TFEC: variants seen among roughly 807,000 people sequenced by gnomAD.
The protein encoded by TFEC is class E basic helix-loop-helix protein 34.
Under a neutral mutation model 41.6 loss-of-function variants are expected in TFEC, and 31 were observed. That is an observed-to-expected ratio of 0.74 (90% CI 0.56 to 1.01). The LOEUF (loss-of-function observed/expected upper bound fraction) is 1.01. Ranked by LOEUF, TFEC falls within the 50% of genes least tolerant of loss-of-function variation. The pLI, the probability that TFEC is intolerant of heterozygous loss-of-function variation, is 0.00. For missense variants in TFEC, 402 were observed against 404.1 expected, an observed-to-expected ratio of 0.99 and a Z score of 0.04; for synonymous variants, 143 against 140.6, an observed-to-expected ratio of 1.02 and a Z score of -0.12.
chr7:115,948,669 C>G (rs1791750269), intron 6 of TFEC, among the ~76,000 whole-genome samples: 1 of 151,346 alleles, frequency 6.6e-6, no homozygotes, highest in African/African-American at 2.4e-5. Context: ...TAAAAACTCT[C>G]AATAAATTAG....
intron 1 of TFEC, among the ~76,000 whole-genome samples, chr7:116,113,296 T>C (rs188470590): frequency 6.6e-6 from 1 of 152,082 alleles, no homozygotes; most frequent in Non-Finnish European, 1.5e-5. Context: ...CTTAATTCAA[T>C]ATAACTGGTG....
At chr7:115,974,406 T>TATATATATATATATA (rs1793277519) in intron 2 of TFEC, 150 bp from the exon 3 acceptor site, 6 of 65,004 alleles carry the variant, frequency 9.2e-5, no homozygotes, top group South Asian at 7.5e-4. Flanking sequence ...AACCTCAATA[T>TATATATATATATATA]TATATATATA....
chr7:116,047,733 A>C (rs1796203798), intron 3 of TFEC, among the ~76,000 whole-genome samples: 1 of 152,182 alleles, frequency 6.6e-6, no homozygotes, highest in Non-Finnish European at 1.5e-5. Flanking sequence ...CAAGTAGCTT[A>C]ACTGGGAGGC....
chr7:116,087,652 C>A (rs528026791), intron 3 of TFEC, among the ~76,000 whole-genome samples: 15 of 151,930 alleles, frequency 9.9e-5, no homozygotes, highest in Non-Finnish European at 2.1e-4. Flanking sequence ...ATCACCTTTG[C>A]CAGGCTAGCA....
In TFEC at chr7:115,939,215, C is replaced by A. The variant is rs190070601; in HGVS notation, c.*1336G>T. 6.6e-6 allele frequency: 1 copy of A among 152,098 alleles called. No individual in the cohort carries two copies. The highest frequency in any genetic ancestry group is 6.6e-5 in the Admixed American group (1 of 15,252). The allele number at this position is 152,098 out of a possible 1,614,324, so 9.4% of individuals were successfully genotyped here. On this transcript the variant is annotated 3_prime_UTR_variant, in exon 8 of 8. Coordinates refer to ENST00000265440, the MANE Select transcript of TFEC (RefSeq NM_012252.4). ...GACCATATCTTTTTCAACTCTTCTACATTTTCTCAGGACTCACTGCAGTTC... is the reference window on the plus strand; with the variant it reads ...GACCATATCTTTTTCAACTCTTCTAAATTTTCTCAGGACTCACTGCAGTTC...
chr7:116,063,732 T>A (rs1264217548), intron 3 of TFEC, among the ~76,000 whole-genome samples: 1 of 152,222 alleles, frequency 6.6e-6, no homozygotes, highest in Non-Finnish European at 1.5e-5. Flanking sequence ...ATTCTTTACA[T>A]AATGTCCTCT....
chr7:115,944,013 A>ATTTTTTTTTTTTGTTTTTTTTTTTTTT (rs1793650849), intron 6 of TFEC, among the ~76,000 whole-genome samples: 1 of 22,830 alleles, frequency 4.4e-5, no homozygotes, highest in Admixed American at 5.6e-4. Flanking sequence ...ACAGGTCTGA[A>ATTTTTTTTTTTTGTTTTTTTTTTTTTT]TTTTTTTTTT....
At chr7:115,999,350 G>A (rs1794497277) in intron 1 of TFEC, among the ~76,000 whole-genome samples, 1 of 151,908 alleles carries the variant, frequency 6.6e-6, no homozygotes, top group Admixed American at 6.6e-5. Context: ...GCAGTACTAA[G>A]AGGAAAGTTT....
chr7:115,992,433 A>C (rs1172498328), intron 1 of TFEC, among the ~76,000 whole-genome samples: 1 of 152,178 alleles, frequency 6.6e-6, no homozygotes, highest in East Asian at 1.9e-4. Context: ...TGTTTCGAAA[A>C]GATCAACAAA....
chr7:116,069,164 T>C (rs1363207594), intron 3 of TFEC, among the ~76,000 whole-genome samples: 1 of 151,546 alleles, frequency 6.6e-6, no homozygotes, highest in Non-Finnish European at 1.5e-5. Context: ...GCTGTGCTGA[T>C]TCTTTGCAGG....
At chr7:116,143,008 G>A (rs976510687) in intron 1 of TFEC, among the ~76,000 whole-genome samples, 6 of 152,186 alleles carry the variant, frequency 3.9e-5, no homozygotes, top group African/African-American at 1.4e-4. Context: ...CTCCCTTGCA[G>A]TTAGGCGTCA....
intron 3 of TFEC, among the ~76,000 whole-genome samples, chr7:116,070,086 A>T (rs1796790041): frequency 6.6e-6 from 1 of 151,436 alleles, no homozygotes; most frequent in Non-Finnish European, 1.5e-5. Context: ...TCTTTACATA[A>T]ATATATGCAT....
chr7:116,150,157 ATAAAAGTATAGTTGT>A (rs1234997927), intron 1 of TFEC, among the ~76,000 whole-genome samples: 1 of 152,194 alleles, frequency 6.6e-6, no homozygotes, highest in Non-Finnish European at 1.5e-5. Flanking sequence ...TTTAACAACT[ATAAAAGTATAGTTGT>A]TATGCTTTGT....
intron 3 of TFEC, among the ~76,000 whole-genome samples, chr7:116,062,801 T>C (rs1479392440): frequency 6.6e-6 from 1 of 152,054 alleles, no homozygotes. Flanking sequence ...CTCCACACTG[T>C]TTTCCATAGT....
Position 115,977,952 on chromosome 7 carries a change from A to G in TFEC, c.181-3696T>C, listed in dbSNP as rs551572158. Among the ~76,000 whole-genome samples the G allele has an allele frequency of 1.4e-4, 21 of 152,080 alleles. No individual in the cohort carries two copies. In the East Asian group the frequency reaches 2.7e-3, roughly 20 times the overall value. On this transcript the variant is annotated intron_variant, in intron 2 of 7. Coordinates refer to ENST00000265440, the MANE Select transcript of TFEC (RefSeq NM_012252.4). ...AAAATATTAGAAGTAACAAACAGAA[A>G]AGAAGATAAAAACTGACCAATGGAA...
chr7:116,158,054 A>G (rs1250136637), intron 1 of TFEC, among the ~76,000 whole-genome samples: 1 of 152,066 alleles, frequency 6.6e-6, no homozygotes, highest in Non-Finnish European at 1.5e-5. Context: ...GGAAAATACT[A>G]CCCTTTATTG....
chr7:115,989,178 T>C (rs1357664136), intron 1 of TFEC, among the ~76,000 whole-genome samples: 1 of 152,138 alleles, frequency 6.6e-6, no homozygotes, highest in African/African-American at 2.4e-5. Flanking sequence ...ACAAAGAGCA[T>C]CAGAAACAGA....
At chr7:116,100,082 C>T (rs1353677410) in intron 3 of TFEC, among the ~76,000 whole-genome samples, 2 of 152,140 alleles carry the variant, frequency 1.3e-5, no homozygotes, top group African/African-American at 4.8e-5. Flanking sequence ...CTGACTATAG[C>T]TCCAATTTCT....
intron 3 of TFEC, among the ~76,000 whole-genome samples, chr7:116,101,146 C>T (rs1161167557): frequency 6.6e-6 from 1 of 151,782 alleles, no homozygotes; most frequent in Admixed American, 6.6e-5. Flanking sequence ...TAAGCCCTGA[C>T]ACTGATATGA....
Sources: allele counts gnomAD v4.1 joint callset (sites outside exome capture counted in the v4.1 genomes callset), GRCh38; gene constraint gnomAD v4.1.1; transcripts MANE v1.5; gene names NCBI Gene and HGNC (gene_info 2026-07-23, HGNC 2026-07-21).